RB1CC1: variants seen among roughly 807,000 people sequenced by gnomAD.
The protein encoded by RB1CC1 is RB1-inducible coiled-coil protein 1.
Under a neutral mutation model 177.5 loss-of-function variants are expected in RB1CC1, and 46 were observed. That is an observed-to-expected ratio of 0.26 (90% CI 0.20 to 0.33). The LOEUF (loss-of-function observed/expected upper bound fraction) is 0.33, where lower values mean the gene tolerates loss of function less well. Among genes scored for constraint, RB1CC1 ranks in the 10% least tolerant of loss-of-function variants. The probability of loss-of-function intolerance (pLI) is 1.00; values close to 1 mark genes in which losing one functional copy is unlikely to be tolerated. For synonymous variants in RB1CC1, 666 were observed against 613.6 expected (o/e 1.09, Z -1.26); for missense variants, 1,703 against 1,816.3 (o/e 0.94, Z 1.13).
Position 52,642,476 on chromosome 8 carries a change from A to G in RB1CC1, c.4212T>C (p.Ala1404=). The change falls in exon 18 of 24, where the codon GCT becomes GCC. Residue 1404 remains alanine (A), a synonymous_variant. Coordinates refer to ENST00000025008, the MANE Select transcript of RB1CC1 (RefSeq NM_014781.5). The part of the protein sequence containing the change: ...SSSFVPSPYV[A]TAPELYGACA... ...AAGCTCCATAAAGTTCTGGGGCTGT[A>G]GCTACATATGGTGAAGGAACAAAAC... 6.2e-7 allele frequency: 1 copy of G among 1,614,114 alleles called. No homozygotes were observed. The highest frequency in any genetic ancestry group is 1.1e-5 in the South Asian group (1 of 91,088).
At chr8:52,631,456 C>T (rs1346303280) in intron 20 of RB1CC1, among the ~76,000 whole-genome samples, 2 of 152,076 alleles carry the variant, frequency 1.3e-5, no homozygotes, top group African/African-American at 4.8e-5. Flanking sequence ...TCAAACAGGC[C>T]ATCTGGAGGC....
At chr8:52,626,439 G>T (rs1005064298) in intron 22 of RB1CC1, among the ~76,000 whole-genome samples, 3 of 151,870 alleles carry the variant, frequency 2.0e-5, no homozygotes, top group African/African-American at 7.3e-5. Flanking sequence ...TCATCATACG[G>T]TTCTGGGGGA....
chr8:52,638,880 A>G lies in RB1CC1; in HGVS notation c.4338-2811T>C, dbSNP rs189359985. ...TAAAATGCTACATGTAGATTTCCATATATATCCACTGGTTTGTTTCAAGAT... is the reference window on the plus strand; with the variant it reads ...TAAAATGCTACATGTAGATTTCCATGTATATCCACTGGTTTGTTTCAAGAT... On this transcript the variant is annotated intron_variant, in intron 18 of 23. Transcript: ENST00000025008. Among the ~76,000 whole-genome samples, 283 of 152,252 alleles carry G rather than the reference A, an allele frequency of 1.9e-3. 1 individual carries two copies. Among genetic ancestry groups the G allele is most frequent in the Non-Finnish European group, 3.2e-3 (216 of 67,978 alleles).
rs79953675 is a variant in RB1CC1 at position 52,650,323 on chromosome 8, G to A, written c.3822-4456C>T. 3.6e-3 allele frequency among the ~76,000 whole-genome samples: 547 copies of A among 152,358 alleles called. 3 individuals carry two copies. Among genetic ancestry groups the A allele is most frequent in the African/African-American group, 0.012 (518 of 41,584 alleles). On this transcript the variant is annotated intron_variant, in intron 15 of 23. Transcript: ENST00000025008. Reference sequence around the variant, plus strand: ...CCTGACCTGGGATGCTGAAGAGAGAGACTCTGGAGGTGGTTGTAGCCAAAC... The same window carrying A: ...CCTGACCTGGGATGCTGAAGAGAGAAACTCTGGAGGTGGTTGTAGCCAAAC...
In RB1CC1 at chr8:52,661,020, A is replaced by G. The variant is rs1402507552; in HGVS notation, c.1546-13T>C. ...AAGCACCAGCCCACTAGAAGAGGAA[A>G]GCTTATGTTAAACATAAACATACAC... On this transcript the variant is annotated splice_polypyrimidine_tract_variant and intron_variant, in intron 10 of 23. Transcript: ENST00000025008. 1 of 1,612,022 alleles carries G rather than the reference A, an allele frequency of 6.2e-7. No individual in the cohort carries two copies. Among genetic ancestry groups the G allele is most frequent in the East Asian group, 2.2e-5 (1 of 44,818 alleles).
At chr8:52,655,981 T>A (rs1484172339) in intron 15 of RB1CC1, 27 bp downstream of exon 15, 1 of 1,488,662 alleles carries the variant, frequency 6.7e-7, no homozygotes, top group Non-Finnish European at 9.2e-7. Context: ...TTTAATTTTA[T>A]AATTACAGAC....
intron 1 of RB1CC1, among the ~76,000 whole-genome samples, chr8:52,690,031 T>C (rs946168519): frequency 5.9e-5 from 9 of 152,156 alleles, no homozygotes; most frequent in Non-Finnish European, 1.2e-4. Flanking sequence ...GACAGGGAAC[T>C]ATGAAACGCA....
At position 52,656,304 on chromosome 8, in the gene RB1CC1, T is replaced by G. The variant is rs1392286605; in HGVS notation, c.3525A>C (p.Gln1175His). Residue 1175 changes from glutamine (Q) to histidine (H), a missense_variant, in exon 15 of 24, where the codon CAA becomes CAC. This residue lies in a region of RB1CC1 where 1,169 missense variants were observed against 1,184.7 expected (regional missense o/e 0.99). Transcript: ENST00000025008. ...AFEIEKNLKEQIIELQSKLDS... is the reference protein window; with the variant it reads ...AFEIEKNLKEHIIELQSKLDS... ...CCAATTTACTCTGCAGTTCAATTAT[T>G]TGTTCTTTTAGGTTTTTTTCTATTT... The G allele has an allele frequency of 8.7e-6, 14 of 1,613,252 alleles. No individual in the cohort carries two copies. The highest frequency in any genetic ancestry group is 1.1e-5 in the Non-Finnish European group (13 of 1,179,822).
Position 52,656,896 on chromosome 8 carries a change from G to A in RB1CC1, c.2933C>T (p.Ala978Val). 1 of 1,613,038 alleles carries A rather than the reference G, an allele frequency of 6.2e-7. No homozygotes were observed. The highest frequency in any genetic ancestry group is 2.2e-5 in the East Asian group (1 of 44,846). The change falls in exon 15 of 24, where the codon GCA (alanine) becomes GTA (valine). Residue 978 changes from alanine to valine, a missense_variant. Around this residue, in one of 6 missense-constraint regions of RB1CC1, gnomAD observed 1,169 missense variants for 1,184.7 expected, o/e 0.99. Transcript: ENST00000025008. ...ENDEKLQLLR[A>V]ELQSLEQSHL... ...ACTTTGCTCCAAGGACTGAAGTTCT[G>A]CCCTCAATAACTGTAACTTCTCATC...
At chr8:52,672,714 C>T (rs893645622) in intron 7 of RB1CC1, among the ~76,000 whole-genome samples, 6 of 152,092 alleles carry the variant, frequency 3.9e-5, no homozygotes, top group Admixed American at 2.0e-4. Flanking sequence ...CACTGTACTC[C>T]GGCCTGGGCG....
intron 5 of RB1CC1, among the ~76,000 whole-genome samples, chr8:52,680,968 T>TTGTG (rs34048284): frequency 0.014 from 1,783 of 131,010 alleles, 74 homozygotes; most frequent in Admixed American, 0.071. Flanking sequence ...TTGTGGGGTT[T>TTGTG]TGTGTGTGTG....
At chr8:52,712,969 A>G (rs1466749684) in intron 1 of RB1CC1, among the ~76,000 whole-genome samples, 1 of 152,180 alleles carries the variant, frequency 6.6e-6, no homozygotes, top group Non-Finnish European at 1.5e-5. Flanking sequence ...AAGTGGAAGG[A>G]CCCTCTTTTT....
Position 52,630,530 on chromosome 8 carries a change from TAAAAA to T in RB1CC1, c.4441-7_4441-3del. 7.1e-7 allele frequency: 1 copy of T among 1,406,894 alleles called. No homozygotes were observed. Among genetic ancestry groups the T allele is most frequent in the Non-Finnish European group, 9.4e-7 (1 of 1,060,004 alleles). 87.2% of individuals were successfully genotyped at this position (1,406,894 alleles called of 1,614,324 possible). A position where few individuals can be genotyped will look rare whatever the true frequency, so the allele number is the denominator to read the frequency against. Reference sequence around the variant, plus strand: ...TACTGAAGACATGCTCTGAGACATCTAAAAAAAAAAAAAAAGTTTATGAACTTACA... The same window carrying T: ...TACTGAAGACATGCTCTGAGACATCTAAAAAAAAAAGTTTATGAACTTACA... On this transcript the variant is annotated splice_region_variant and splice_polypyrimidine_tract_variant and intron_variant, in intron 20 of 23. Transcript: ENST00000025008.
chr8:52,683,452 A>G (rs1333892783), intron 5 of RB1CC1, 97 bp downstream of exon 5: 1 of 1,131,616 alleles, frequency 8.8e-7, no homozygotes, highest in East Asian at 2.8e-5. Flanking sequence ...TTATTTGTCA[A>G]ACTTTTTGCA....
At chr8:52,676,685 A>G in intron 5 of RB1CC1, 114 bp from the exon 6 acceptor site, 1 of 894,690 alleles carries the variant, frequency 1.1e-6, no homozygotes, top group East Asian at 2.6e-5. Context: ...ACATTTAACA[A>G]AGTATTTCAA....
intron 18 of RB1CC1, among the ~76,000 whole-genome samples, chr8:52,640,812 T>A (rs1849510349): frequency 6.6e-6 from 1 of 152,206 alleles, no homozygotes. Flanking sequence ...TATTTTATTT[T>A]TAATATACAT....
intron 5 of RB1CC1, 80 bp downstream of exon 5, chr8:52,683,469 C>T (rs1452206301): frequency 3.3e-6 from 4 of 1,217,532 alleles, no homozygotes; most frequent in Non-Finnish European, 2.2e-6. Flanking sequence ...TGCATACTTC[C>T]TATGCAATTT....
chr8:52,680,612 T>A (rs974081204), intron 5 of RB1CC1, among the ~76,000 whole-genome samples: 4 of 152,132 alleles, frequency 2.6e-5, no homozygotes, highest in African/African-American at 7.2e-5. Context: ...CACAGCAGGT[T>A]TAGTCACAAT....
At chr8:52,670,942 C>A (rs1056956364) in intron 7 of RB1CC1, among the ~76,000 whole-genome samples, 2 of 147,008 alleles carry the variant, frequency 1.4e-5, no homozygotes, top group Non-Finnish European at 3.0e-5. Flanking sequence ...GGTGACAGAG[C>A]GAGACTCCAA....
Sources: allele counts gnomAD v4.1 joint callset (sites outside exome capture counted in the v4.1 genomes callset), GRCh38; gene constraint gnomAD v4.1.1; regional missense constraint gnomAD v4.1.1; transcripts MANE v1.5; gene names NCBI Gene and HGNC (gene_info 2026-07-23, HGNC 2026-07-21).